TNN: variants seen among roughly 807,000 people sequenced by gnomAD.
TNN encodes the protein tenascin N.
In TNN, 122 loss-of-function variants were observed where a neutral mutation model predicts 134.4. That is an observed-to-expected ratio of 0.91 (90% confidence interval 0.78 to 1.06). The LOEUF (loss-of-function observed/expected upper bound fraction) is 1.06, where lower values mean the gene tolerates loss of function less well. Ranked by LOEUF, TNN falls within the 50% of genes least tolerant of loss-of-function variation. The pLI is 0.00. For missense variants in TNN, 1,739 were observed against 1,699.4 expected, an observed-to-expected ratio of 1.02 and a Z score of -0.41; for synonymous variants, 710 against 670.3, an observed-to-expected ratio of 1.06 and a Z score of -0.91.
In TNN at chr1:175,080,176, G is replaced by A. The variant is rs778934962; in HGVS notation, c.798G>A (p.Gln266=). The change falls in exon 4 of 19, where the codon CAG becomes CAA. Residue 266 remains glutamine (Q), a synonymous_variant. Coordinates refer to ENST00000239462, the MANE Select transcript of TNN (RefSeq NM_022093.2). The part of the protein sequence containing the change: ...GLDCAQVVTP[Q]GLQLLKNTED... ...TTCTGCCTGCAGTGGTCACCCCACA[G>A]GGCCTGCAGCTGCTCAAGAACACGG... 3 of 1,613,784 alleles carry A rather than the reference G, an allele frequency of 1.9e-6. No individual in the cohort carries two copies. The highest frequency in any genetic ancestry group is 1.7e-5 in the Admixed American group (1 of 60,004).
intron 16 of TNN, 55 bp downstream of exon 16, chr1:175,135,996 C>T: frequency 1.5e-6 from 2 of 1,338,598 alleles, no homozygotes; most frequent in Non-Finnish European, 2.1e-6. Context: ...TCTCCCAGGA[C>T]AAGCTAGCTA....
In TNN at chr1:175,125,703, CT is replaced by C. The variant is rs1675496843; in HGVS notation, c.2915-1251del. Among the ~76,000 whole-genome samples the C allele has an allele frequency of 7.5e-5, 5 of 66,390 alleles. 1 individual carries two copies. Among genetic ancestry groups the C allele is most frequent in the African/African-American group, 1.7e-4 (3 of 17,344 alleles). The allele number at this position is 66,390 out of a possible 152,430, so 43.6% of individuals were successfully genotyped here. A position where few individuals can be genotyped will look rare whatever the true frequency, so the allele number is the denominator to read the frequency against. On this transcript the variant is annotated intron_variant, in intron 12 of 18. Coordinates refer to ENST00000239462, the MANE Select transcript of TNN (RefSeq NM_022093.2). ...CCTCCTTTCTTTCTCTCTTTTTTCT[CT>C]CTTTCTTTCTTTCTTTCTTTCTTTC...
chr1:175,141,275 A>G (rs1424966073), intron 17 of TNN, among the ~76,000 whole-genome samples: 1 of 152,218 alleles, frequency 6.6e-6, no homozygotes, highest in Non-Finnish European at 1.5e-5. Flanking sequence ...TAATGCAAAC[A>G]TAAAGAGCTA....
At chr1:175,110,535 A>G (rs1342167089) in intron 9 of TNN, among the ~76,000 whole-genome samples, 1 of 152,162 alleles carries the variant, frequency 6.6e-6, no homozygotes, top group African/African-American at 2.4e-5. Context: ...CTTTAATTTA[A>G]TTTTTGAATA....
chr1:175,069,889 C>T (rs1414674544), intron 1 of TNN, among the ~76,000 whole-genome samples: 3 of 152,214 alleles, frequency 2.0e-5, no homozygotes, highest in Admixed American at 6.5e-5. Context: ...TTTAAAGTTA[C>T]TTCAATATGT....
At chr1:175,120,689 G>T (rs1675327569) in intron 11 of TNN, among the ~76,000 whole-genome samples, 1 of 152,126 alleles carries the variant, frequency 6.6e-6, no homozygotes, top group Non-Finnish European at 1.5e-5. Flanking sequence ...TGCAAAAAAG[G>T]CTAGGAAATG....
At position 175,106,892 on chromosome 1, in the gene TNN, C is replaced by T. The variant is rs1397097086; in HGVS notation, c.2119+8297C>T. 2.7e-5 allele frequency among the ~76,000 whole-genome samples: 4 copies of T among 145,988 alleles called. 1 individual carries two copies. The highest frequency in any genetic ancestry group is 4.9e-5 in the African/African-American group (2 of 40,526). ...GAGAGCCCTTTCCCAGAAAGCTTGA[C>T]ACCCGTGTCTTTAGTCCGGCGGCCC... On this transcript the variant is annotated intron_variant, in intron 9 of 18. Coordinates refer to ENST00000239462, the MANE Select transcript of TNN (RefSeq NM_022093.2).
Position 175,144,511 on chromosome 1 carries a change from C to G in TNN, c.3720C>G (p.Ala1240=). The change falls in exon 18 of 19, where the codon GCC becomes GCG. Residue 1240 remains alanine (A), a synonymous_variant. Coordinates refer to ENST00000239462, the MANE Select transcript of TNN (RefSeq NM_022093.2). The stretch of plus-strand genomic sequence containing the variant: ...GGTGGTATAAGAACTGCCACTTGGC[C>G]AACCCTAATGGCAGATATGGGGAGA... ...GGWWYKNCHL[A]NPNGRYGETK... 1 of 1,614,208 alleles carries G rather than the reference C, an allele frequency of 6.2e-7. No individual in the cohort carries two copies. Among genetic ancestry groups the G allele is most frequent in the Non-Finnish European group, 8.5e-7 (1 of 1,180,034 alleles).
chr1:175,078,611 G>C (rs1029136055), intron 2 of TNN, among the ~76,000 whole-genome samples: 1 of 152,164 alleles, frequency 6.6e-6, no homozygotes, highest in Non-Finnish European at 1.5e-5. Context: ...TGAATAACCA[G>C]CATGGACTTG....
At chr1:175,078,757 G>A (rs533200698) in intron 2 of TNN, among the ~76,000 whole-genome samples, 2 of 152,330 alleles carry the variant, frequency 1.3e-5, no homozygotes, top group Admixed American at 6.5e-5. Flanking sequence ...GGGTCAGAGA[G>A]GGGAGCCTGG....
intron 1 of TNN, among the ~76,000 whole-genome samples, chr1:175,076,373 C>G (rs1674039932): frequency 6.6e-6 from 1 of 152,122 alleles, no homozygotes; most frequent in South Asian, 2.1e-4. Flanking sequence ...GTGCTCCTGC[C>G]ACAGGAGGGC....
chr1:175,115,282 C>T (rs145140762), intron 9 of TNN, among the ~76,000 whole-genome samples: 129 of 152,242 alleles, frequency 8.5e-4, no homozygotes, highest in African/African-American at 2.9e-3. Context: ...CACCATTTTC[C>T]TGGGATATAG....
intron 3 of TNN, 150 bp from the exon 4 acceptor site, chr1:175,080,013 G>A (rs936044814): frequency 7.5e-6 from 8 of 1,073,122 alleles, no homozygotes; most frequent in East Asian, 2.4e-5. Flanking sequence ...ATTACCTGTC[G>A]TTCGGATAAT....
In TNN at chr1:175,146,924, T is replaced by TC; in HGVS notation, c.3760-7_3760-6insC. 2 of 1,500,234 alleles carry TC rather than the reference T, an allele frequency of 1.3e-6. No individual in the cohort carries two copies. The highest frequency in any genetic ancestry group is 1.8e-6 in the Non-Finnish European group (2 of 1,122,882). The allele number at this position is 1,500,234 out of a possible 1,614,324, so 92.9% of individuals were successfully genotyped here. A position where few individuals can be genotyped will look rare whatever the true frequency, so the allele number is the denominator to read the frequency against. ...TCTTGATGTGGCTTTTTTTTTTTTT[T>TC]TGGTAGGGGGTGAACTGGGAGCCTT... On this transcript the variant is annotated splice_region_variant and splice_polypyrimidine_tract_variant and intron_variant, in intron 18 of 18. Coordinates refer to ENST00000239462, the MANE Select transcript of TNN (RefSeq NM_022093.2).
At chr1:175,070,004 C>T (rs1419940386) in intron 1 of TNN, among the ~76,000 whole-genome samples, 1 of 152,166 alleles carries the variant, frequency 6.6e-6, no homozygotes, top group Non-Finnish European at 1.5e-5. Context: ...TAATTGTATA[C>T]AAAGTAATAT....
At chr1:175,125,693 TC>T (rs1675494624) in intron 12 of TNN, among the ~76,000 whole-genome samples, 9 of 66,844 alleles carry the variant, frequency 1.3e-4, no homozygotes, top group Non-Finnish European at 6.3e-5. Context: ...TTTCTTTCTC[TC>T]TTTTTTCTCT....
At chr1:175,092,693 G>A (rs975359709) in intron 6 of TNN, among the ~76,000 whole-genome samples, 21 of 152,156 alleles carry the variant, frequency 1.4e-4, no homozygotes, top group Admixed American at 5.2e-4. Context: ...GTATCCAAAA[G>A]CAAACGCTTG....
intron 1 of TNN, among the ~76,000 whole-genome samples, chr1:175,076,705 G>C (rs1674047707): frequency 6.6e-6 from 1 of 152,192 alleles, no homozygotes; most frequent in African/African-American, 2.4e-5. Context: ...CCTGGCCGTG[G>C]GACTCAGGAC....
chr1:175,100,561 C>T (rs1273644589), intron 9 of TNN, among the ~76,000 whole-genome samples: 4 of 152,234 alleles, frequency 2.6e-5, no homozygotes, highest in African/African-American at 9.6e-5. Context: ...CTTGCCTTGA[C>T]TGTGGTTCCT....
Sources: allele counts gnomAD v4.1 joint callset (sites outside exome capture counted in the v4.1 genomes callset), GRCh38; gene constraint gnomAD v4.1.1; transcripts MANE v1.5; gene names NCBI Gene and HGNC (gene_info 2026-07-23, HGNC 2026-07-21).